PDE4D: variants seen among roughly 807,000 people sequenced by gnomAD.
The protein encoded by PDE4D is 3',5'-cyclic-AMP phosphodiesterase 4D.
A neutral mutation model predicts 87.4 loss-of-function variants in PDE4D; 24 were observed. The ratio of observed to expected loss-of-function variants is 0.27; its 90% CI spans 0.20 to 0.39. The LOEUF (loss-of-function observed/expected upper bound fraction) is 0.39, where lower values mean the gene tolerates loss of function less well. Among genes scored for constraint, PDE4D ranks in the 10% least tolerant of loss-of-function variants. The pLI is 1.00. For missense variants in PDE4D, 714 were observed against 1,041.0 expected (o/e 0.69, Z 4.32); for synonymous variants, 384 against 383.2 (o/e 1.00, Z -0.02).
chr5:59,821,832 G>C (rs574741312), intron 1 of PDE4D, among the ~76,000 whole-genome samples: 2 of 152,180 alleles, frequency 1.3e-5, no homozygotes, highest in Admixed American at 1.3e-4. Flanking sequence ...TGAACATGGA[G>C]TTAGGAAGAT....
intron 2 of PDE4D, among the ~76,000 whole-genome samples, chr5:60,091,951 T>C (rs1168343427): frequency 8.3e-5 from 12 of 144,782 alleles, no homozygotes; most frequent in African/African-American, 3.1e-4. Flanking sequence ...CTCGGGAGGC[T>C]GAGGCAGGAG....
intron 1 of PDE4D, among the ~76,000 whole-genome samples, chr5:59,581,205 G>A (rs6888675): frequency 2.5e-4 from 38 of 152,258 alleles, no homozygotes; most frequent in African/African-American, 8.7e-4. Context: ...TGAAAGAGGA[G>A]AGAAAAGGAT....
At chr5:59,743,358 C>G (rs1044557535) in intron 1 of PDE4D, among the ~76,000 whole-genome samples, 1 of 152,004 alleles carries the variant, frequency 6.6e-6, no homozygotes, top group Non-Finnish European at 1.5e-5. Flanking sequence ...TTAAATAACT[C>G]CACCAAAAAA....
chr5:59,337,742 G>C (rs1031851594), intron 1 of PDE4D, among the ~76,000 whole-genome samples: 1 of 152,108 alleles, frequency 6.6e-6, no homozygotes, highest in Non-Finnish European at 1.5e-5. Flanking sequence ...AATAGGACCA[G>C]AACACAGTTC....
Position 59,420,467 on chromosome 5 carries a change from A to G in PDE4D, c.456-204499T>C, listed in dbSNP as rs79984524. 6.7e-3 allele frequency among the ~76,000 whole-genome samples: 1,013 copies of G among 152,298 alleles called. 11 individuals carry two copies. The highest frequency in any genetic ancestry group is 0.023 in the African/African-American group (975 of 41,566). On this transcript the variant is annotated intron_variant, in intron 1 of 14. Coordinates refer to ENST00000340635, the MANE Select transcript of PDE4D (RefSeq NM_001104631.2). ...GTCCTGCTTCCACAGGACTCATCAT[A>G]TGGGATTCCCAGCATCTATCAGCCT... is the stretch of plus-strand genomic sequence containing the variant.
chr5:60,392,775 T>A (rs1301127062), intron 1 of PDE4D, among the ~76,000 whole-genome samples: 2 of 151,834 alleles, frequency 1.3e-5, no homozygotes, highest in Non-Finnish European at 2.9e-5. Context: ...GAAAGCCATT[T>A]AAAAAAAAAT....
intron 1 of PDE4D, among the ~76,000 whole-genome samples, chr5:60,430,552 T>TTTG (rs1554034822): frequency 2.0e-5 from 3 of 149,524 alleles, no homozygotes; most frequent in African/African-American, 7.5e-5. Context: ...TTTGTTTGTT[T>TTTG]TTTTTTTTTA....
At chr5:59,699,930 T>C (rs1752323108) in intron 1 of PDE4D, among the ~76,000 whole-genome samples, 1 of 152,220 alleles carries the variant, frequency 6.6e-6, no homozygotes, top group South Asian at 2.1e-4. Flanking sequence ...TCTTAATAGC[T>C]TCATTTGCAC....
chr5:60,179,765 T>G (rs542150652), intron 2 of PDE4D, among the ~76,000 whole-genome samples: 1 of 152,256 alleles, frequency 6.6e-6, no homozygotes, highest in African/African-American at 2.4e-5. Context: ...TTCAAAACAT[T>G]TGCCATTTCA....
At chr5:60,024,702 G>A (rs944286750) in intron 2 of PDE4D, among the ~76,000 whole-genome samples, 1 of 152,130 alleles carries the variant, frequency 6.6e-6, no homozygotes, top group African/African-American at 2.4e-5. Flanking sequence ...ATTTAAAACA[G>A]AGGTTTTTAA....
chr5:59,103,806 G>C (rs1191466721), intron 5 of PDE4D, among the ~76,000 whole-genome samples: 5 of 152,196 alleles, frequency 3.3e-5, no homozygotes, highest in African/African-American at 1.2e-4. Context: ...CTATTTGTAT[G>C]TGTGAGCAGG....
intron 5 of PDE4D, among the ~76,000 whole-genome samples, chr5:59,133,621 C>T (rs1428254379): frequency 1.3e-5 from 2 of 152,212 alleles, no homozygotes; most frequent in African/African-American, 4.8e-5. Context: ...CCCAGGTCAG[C>T]TCTGCCCACC....
At chr5:60,135,751 G>T (rs1399187102) in intron 2 of PDE4D, among the ~76,000 whole-genome samples, 2 of 152,118 alleles carry the variant, frequency 1.3e-5, no homozygotes, top group Non-Finnish European at 2.9e-5. Flanking sequence ...AGCTATAGAG[G>T]AGTGCATATC....
At chr5:60,366,573 A>G (rs16877949) in intron 1 of PDE4D, among the ~76,000 whole-genome samples, 3 of 152,202 alleles carry the variant, frequency 2.0e-5, no homozygotes, top group Non-Finnish European at 2.9e-5. Flanking sequence ...CATGATGTCA[A>G]TGAACCTTAG....
chr5:59,393,656 T>C (rs986971536), intron 1 of PDE4D, among the ~76,000 whole-genome samples: 1 of 152,202 alleles, frequency 6.6e-6, no homozygotes, highest in Non-Finnish European at 1.5e-5. Context: ...CCAAACAATA[T>C]ACTTTGTGAA....
At chr5:59,847,549 C>G (rs1402545662) in intron 1 of PDE4D, among the ~76,000 whole-genome samples, 1 of 152,048 alleles carries the variant, frequency 6.6e-6, no homozygotes, top group African/African-American at 2.4e-5. Context: ...AAATTCTTCA[C>G]GAGTCATGGT....
At chr5:60,359,888 C>A (rs1254076737) in intron 1 of PDE4D, among the ~76,000 whole-genome samples, 1 of 152,196 alleles carries the variant, frequency 6.6e-6, no homozygotes, top group East Asian at 1.9e-4. Flanking sequence ...TATTTTCTTA[C>A]CCAACATGAC....
At chr5:60,373,149 C>T (rs1761167381) in intron 1 of PDE4D, among the ~76,000 whole-genome samples, 1 of 152,220 alleles carries the variant, frequency 6.6e-6, no homozygotes, top group Admixed American at 6.5e-5. Flanking sequence ...GCCCACGGGC[C>T]ATACCCGTCC....
chr5:59,629,525 C>T (rs1831311189), intron 1 of PDE4D, among the ~76,000 whole-genome samples: 1 of 152,066 alleles, frequency 6.6e-6, no homozygotes, highest in South Asian at 2.1e-4. Flanking sequence ...AGGCCATCTA[C>T]AAGCTAAGAA....
Sources: allele counts gnomAD v4.1 joint callset (sites outside exome capture counted in the v4.1 genomes callset), GRCh38; gene constraint gnomAD v4.1.1; transcripts MANE v1.5; gene names NCBI Gene and HGNC (gene_info 2026-07-23, HGNC 2026-07-21).